The following PNPLA1 variants were observed in gnomAD, a reference collection of about 807,000 sequenced individuals.
PNPLA1 encodes patatin like domain 1, omega-hydroxyceramide transacylase.
In PNPLA1, 36 loss-of-function variants were observed where a neutral mutation model predicts 51.7. The ratio of observed to expected loss-of-function variants is 0.70; its 90% CI spans 0.53 to 0.92. PNPLA1 has a LOEUF of 0.92. PNPLA1 is among the 40% of genes least tolerant of loss of function. The pLI, the probability that PNPLA1 is intolerant of heterozygous loss-of-function variation, is 0.00. For synonymous variants in PNPLA1, 293 were observed against 280.1 expected, an observed-to-expected ratio of 1.05 and a Z score of -0.46; for missense variants, 658 against 682.5, an observed-to-expected ratio of 0.96 and a Z score of 0.40.
intron 6 of PNPLA1, among the ~76,000 whole-genome samples, 176 bp from the exon 7 acceptor site, chr6:36,306,116 G>A (rs904406080): frequency 2.0e-5 from 3 of 152,190 alleles, no homozygotes; most frequent in Non-Finnish European, 2.9e-5. Context: ...GATGCCGCGG[G>A]CCTGCGTCTC....
chr6:36,296,842 TA>T (rs372785738), intron 5 of PNPLA1, among the ~76,000 whole-genome samples: 9 of 151,660 alleles, frequency 5.9e-5, no homozygotes, highest in Admixed American at 5.3e-4. Flanking sequence ...TCCTAATCTG[TA>T]AAAAAAAGGG....
intron 8 of PNPLA1, among the ~76,000 whole-genome samples, chr6:36,310,801 G>T (rs1346462285): frequency 6.6e-6 from 1 of 152,190 alleles, no homozygotes; most frequent in East Asian, 1.9e-4. Flanking sequence ...TCTCTATTCT[G>T]GCAAGTTACT....
chr6:36,270,713 C>G (rs566648458), intron 1 of PNPLA1, 49 bp downstream of exon 1: 1 of 1,536,300 alleles, frequency 6.5e-7, no homozygotes, highest in Non-Finnish European at 8.8e-7. Context: ...GGGGATTCCA[C>G]AGAGACAGAA....
At chr6:36,296,693 G>A (rs1448684927) in intron 5 of PNPLA1, among the ~76,000 whole-genome samples, 1 of 152,130 alleles carries the variant, frequency 6.6e-6, no homozygotes, top group Non-Finnish European at 1.5e-5. Flanking sequence ...CTCCCAACAA[G>A]GGGGGTGGAG....
chr6:36,302,343 C>A lies in PNPLA1; in HGVS notation c.1258C>A (p.Pro420Thr). The A allele has an allele frequency of 6.2e-7, 1 of 1,613,124 alleles. No individual in the cohort carries two copies. Among genetic ancestry groups the A allele is most frequent in the Non-Finnish European group, 8.5e-7 (1 of 1,179,262 alleles). Reference sequence around the variant, plus strand: ...AGCCAGATCCCTACACTCTCAGGCACCCACTTCACCCAGGCCATCCCTGGG... The same window carrying A: ...AGCCAGATCCCTACACTCTCAGGCAACCACTTCACCCAGGCCATCCCTGGG... ...SPARSLHSQA[P>T]TSPRPSLGPS... Residue 420 changes from proline (P) to threonine (T), a missense_variant, in exon 6 of 9, where the codon CCC becomes ACC. Coordinates refer to ENST00000636260, the MANE Select transcript of PNPLA1 (RefSeq NM_001374623.1).
intron 1 of PNPLA1, among the ~76,000 whole-genome samples, chr6:36,284,181 C>A (rs1488926840): frequency 6.6e-6 from 1 of 152,194 alleles, no homozygotes; most frequent in Non-Finnish European, 1.5e-5. Context: ...CCTGTGGACA[C>A]CTTGCTAGGA....
chr6:36,287,783 CA>C (rs1230185837), intron 1 of PNPLA1, among the ~76,000 whole-genome samples: 12 of 151,394 alleles, frequency 7.9e-5, no homozygotes, highest in African/African-American at 2.7e-4. Context: ...CACACACACA[CA>C]CACACACACA....
chr6:36,294,322 A>C lies in PNPLA1; in HGVS notation c.637A>C (p.Met213Leu). 1.9e-6 allele frequency: 3 copies of C among 1,614,204 alleles called. No individual in the cohort carries two copies. Among genetic ancestry groups the C allele is most frequent in the Non-Finnish European group, 1.7e-6 (2 of 1,180,032 alleles). The change falls in exon 4 of 9, where the codon ATG (methionine) becomes CTG (leucine). Residue 213 changes from methionine (M) to leucine (L), a missense_variant. Coordinates refer to ENST00000636260, the MANE Select transcript of PNPLA1 (RefSeq NM_001374623.1). The surrounding 1 kb of genome is among the most constrained non-coding windows in gnomAD (Gnocchi z 4.2). Reference protein sequence around the residue: ...DCPAIFHDFRMFNCSFQFSLE... With the variant: ...DCPAIFHDFRLFNCSFQFSLE... ...CCCGGCCATCTTCCACGACTTCCGC[A>C]TGTTCAACTGCTCCTTCCAGTTCTC...
intron 3 of PNPLA1, 33 bp downstream of exon 3, chr6:36,293,159 G>A (rs1561865594): frequency 6.2e-7 from 1 of 1,601,730 alleles, no homozygotes; most frequent in Non-Finnish European, 8.6e-7. Context: ...GGGTGAGATG[G>A]GATCCAAGGG....
rs938615806 is a variant in PNPLA1 at position 36,270,262 on chromosome 6, C to T, written c.-198C>T. Among the ~76,000 whole-genome samples the T allele has an allele frequency of 6.6e-6, 1 of 152,256 alleles. No individual in the cohort carries two copies. Among genetic ancestry groups the T allele is most frequent in the Non-Finnish European group, 1.5e-5 (1 of 68,034 alleles). On this transcript the variant is annotated 5_prime_UTR_variant, in exon 1 of 9. Coordinates refer to ENST00000636260, the MANE Select transcript of PNPLA1 (RefSeq NM_001374623.1). ...CCTTTCCAACCTTTGGAGTTGCCTC[C>T]TGGCGGAGCTTAACAGGCTGAGGCA...
rs1561867094 is a variant in PNPLA1, at chr6:36,295,373, G to A, written c.724G>A (p.Asp242Asn). 6 of 1,614,042 alleles carry A rather than the reference G, an allele frequency of 3.7e-6. No homozygotes were observed. Among genetic ancestry groups the A allele is most frequent in the South Asian group, 2.2e-5 (2 of 91,080 alleles). ...GTGCCTCCGCCCACAGATCCTGCAC[G>A]ATTACTACTACCGAGGGTACGAGGA... ...LFPPDLVILHDYYYRGYEDAV... is the reference protein window; with the variant it reads ...LFPPDLVILHNYYYRGYEDAV... The change falls in exon 5 of 9, where the codon GAT (aspartate) becomes AAT (asparagine). Residue 242 changes from aspartate to asparagine, a missense_variant. Asp to Asn is a conservative substitution (Grantham distance 23, BLOSUM62 1). Coordinates refer to ENST00000636260, the MANE Select transcript of PNPLA1 (RefSeq NM_001374623.1).
chr6:36,283,136 C>T (rs954155997), intron 1 of PNPLA1, among the ~76,000 whole-genome samples: 1 of 152,154 alleles, frequency 6.6e-6, no homozygotes, highest in African/African-American at 2.4e-5. Context: ...GTCCATTTGC[C>T]AACACTAAGA....
Position 36,313,694 on chromosome 6 carries a change from A to G in PNPLA1, c.*1808A>G, listed in dbSNP as rs1771454232. On this transcript the variant is annotated 3_prime_UTR_variant, in exon 9 of 9. Coordinates refer to ENST00000636260, the MANE Select transcript of PNPLA1 (RefSeq NM_001374623.1). ...GCTGGAGGTGTGTACTGTGGGGGAGACTGACTAGAGAGGCCCGCCCGGCCG... is the reference window on the plus strand; with the variant it reads ...GCTGGAGGTGTGTACTGTGGGGGAGGCTGACTAGAGAGGCCCGCCCGGCCG... Among the ~76,000 whole-genome samples, 2 of 152,114 alleles carry G rather than the reference A, an allele frequency of 1.3e-5. No homozygotes were observed. The highest frequency in any genetic ancestry group is 2.4e-5 in the African/African-American group (1 of 41,436).
intron 1 of PNPLA1, among the ~76,000 whole-genome samples, chr6:36,281,618 A>G (rs1330964744): frequency 6.6e-6 from 1 of 152,226 alleles, no homozygotes; most frequent in Non-Finnish European, 1.5e-5. Context: ...CTAAATGTCT[A>G]CATTCTACAT....
intron 1 of PNPLA1, among the ~76,000 whole-genome samples, chr6:36,284,937 T>C (rs531633858): frequency 6.6e-6 from 1 of 152,228 alleles, no homozygotes; most frequent in Admixed American, 6.5e-5. Flanking sequence ...AGCCAAATTG[T>C]TTTTCAATCA....
At chr6:36,287,381 C>T (rs1177325204) in intron 1 of PNPLA1, among the ~76,000 whole-genome samples, 4 of 152,024 alleles carry the variant, frequency 2.6e-5, no homozygotes, top group Non-Finnish European at 5.9e-5. Flanking sequence ...AGTGGATGTG[C>T]CTAGGGTGGG....
At position 36,248,839 on chromosome 6, in the gene PNPLA1, C is replaced by T. The variant is rs80341463; in HGVS notation, c.-81+5578C>T. The stretch of plus-strand genomic sequence containing the variant: ...TGGCCAACTTTTCAATTTAAGCAAA[C>T]GTCCCCCCACCAAAAGATTGAGTCC... On this transcript the variant is annotated intron_variant, in intron 1 of 7. Transcript: ENST00000312917. 1.4e-3 allele frequency among the ~76,000 whole-genome samples: 207 copies of T among 152,244 alleles called. 3 individuals are homozygous for T. In the East Asian group the frequency reaches 0.031, roughly 23 times the overall value.
At chr6:36,253,766 A>G (rs1000122335) in intron 1 of PNPLA1, among the ~76,000 whole-genome samples, 1 of 152,228 alleles carries the variant, frequency 6.6e-6, no homozygotes, top group African/African-American at 2.4e-5. Context: ...GATGTGAGTC[A>G]CTGCTCCTGG....
Position 36,301,992 on chromosome 6 carries a change from A to G in PNPLA1, c.907A>G (p.Ser303Gly). The change falls in exon 6 of 9, where the codon AGT becomes GGT. Residue 303 changes from serine to glycine, a missense_variant. Transcript: ENST00000636260. Reference sequence around the variant, plus strand: ...ACCAAGCCTTCGAGCACGGCAGGCCAGTCTGGAAGGAGCCACACAACCTCA... The same window carrying G: ...ACCAAGCCTTCGAGCACGGCAGGCCGGTCTGGAAGGAGCCACACAACCTCA... The part of the protein sequence containing the change: ...SQPSLRARQA[S>G]LEGATQPHKE... 1 of 1,614,218 alleles carries G rather than the reference A, an allele frequency of 6.2e-7. No homozygotes were observed. The highest frequency in any genetic ancestry group is 8.5e-7 in the Non-Finnish European group (1 of 1,180,030).
Sources: gnomAD v4.1 joint callset for allele counts (sites outside exome capture counted in the v4.1 genomes callset) on GRCh38, gnomAD v4.1.1 for gene constraint, Gnocchi (gnomAD v3.1) non-coding constraint, MANE v1.5 for transcripts, NCBI Gene and HGNC (gene_info 2026-07-23, HGNC 2026-07-21) for gene names.